The following G3BP1 variants were observed in gnomAD, a reference collection of about 807,000 sequenced individuals.
G3BP1 encodes the protein G3BP stress granule assembly factor 1, also known as ras GTPase-activating protein-binding protein 1.
In G3BP1, 35 loss-of-function variants were observed where a neutral mutation model predicts 58.6. The observed-to-expected ratio is 0.60, with a 90% CI of 0.46 to 0.79. G3BP1 has a LOEUF of 0.79. Among genes scored for constraint, G3BP1 ranks in the 30% least tolerant of loss-of-function variants. The pLI is 0.00. For missense variants in G3BP1, 523 were observed against 580.8 expected (o/e 0.90, Z 1.02); for synonymous variants, 191 against 195.4 (o/e 0.98, Z 0.19).
rs780107580 is a variant in G3BP1, at chr5:151,799,330, A to C, written c.843+17A>C. ...GCTTCACAGGTAAGGTCCTAATAAA[A>C]CTTGTACATTAGGCAAATTTACTTC... On this transcript the variant is annotated intron_variant, in intron 8 of 11. Coordinates refer to ENST00000356245, the MANE Select transcript of G3BP1 (RefSeq NM_005754.3). 3 of 1,242,258 alleles carry C rather than the reference A, an allele frequency of 2.4e-6. No individual in the cohort carries two copies. In the South Asian group the frequency reaches 3.6e-5, roughly 15 times the overall value. 77.0% of individuals were successfully genotyped at this position (1,242,258 alleles called of 1,614,324 possible). A position where few individuals can be genotyped will look rare whatever the true frequency, so the allele number is the denominator to read the frequency against.
chr5:151,803,406 C>A (rs1053122679), intron 11 of G3BP1, among the ~76,000 whole-genome samples: 4 of 152,136 alleles, frequency 2.6e-5, no homozygotes, highest in African/African-American at 9.7e-5. Flanking sequence ...AAGTTGCACT[C>A]CAGTCTGGGT....
At chr5:151,794,965 A>G (rs937551692) in intron 5 of G3BP1, among the ~76,000 whole-genome samples, 2 of 152,146 alleles carry the variant, frequency 1.3e-5, no homozygotes, top group African/African-American at 4.8e-5. Context: ...AAAAACCAAG[A>G]CACTACAGTA....
At chr5:151,788,574 G>GTGTGTGTA in intron 2 of G3BP1, among the ~76,000 whole-genome samples, 1 of 133,858 alleles carries the variant, frequency 7.5e-6, no homozygotes, top group Admixed American at 7.2e-5. Context: ...AAGTTTATAT[G>GTGTGTGTA]TGTGTGTGTG....
chr5:151,790,491 G>A, intron 3 of G3BP1, 87 bp downstream of exon 3: 1 of 627,724 alleles, frequency 1.6e-6, no homozygotes, highest in Non-Finnish European at 2.7e-6. Flanking sequence ...TAGATTTGCT[G>A]ATAAAGATCC....
At chr5:151,789,676 T>G (rs1165401446) in intron 2 of G3BP1, among the ~76,000 whole-genome samples, 1 of 152,210 alleles carries the variant, frequency 6.6e-6, no homozygotes, top group African/African-American at 2.4e-5. Context: ...AAGATAGCTG[T>G]TCCAGCCTTA....
rs138630153 is a variant in G3BP1 at position 151,774,174 on chromosome 5, C to T, written c.-50+2138C>T. 5.3e-5 allele frequency among the ~76,000 whole-genome samples: 8 copies of T among 152,240 alleles called. No homozygotes were observed. The East Asian group carries it at 1.3e-3, about 26-fold the overall frequency. ...CGTCAGTTTTGTTGGAGCTGCTTACCGGTACAAAAGTCTAAGCTTTTGTAC... is the reference window on the plus strand; with the variant it reads ...CGTCAGTTTTGTTGGAGCTGCTTACTGGTACAAAAGTCTAAGCTTTTGTAC... On this transcript the variant is annotated intron_variant, in intron 1 of 11. Transcript: ENST00000356245.
intron 1 of G3BP1, among the ~76,000 whole-genome samples, chr5:151,785,655 T>G (rs1762543865): frequency 6.6e-6 from 1 of 152,232 alleles, no homozygotes; most frequent in Non-Finnish European, 1.5e-5. Flanking sequence ...GTGCCTTTCT[T>G]GGCATTCAAA....
intron 3 of G3BP1, 141 bp downstream of exon 3, chr5:151,790,545 T>A (rs1285105033): frequency 2.6e-5 from 13 of 505,342 alleles, no homozygotes; most frequent in Non-Finnish European, 4.3e-5. Context: ...TTTATTACTA[T>A]TTGATTAATA....
intron 11 of G3BP1, among the ~76,000 whole-genome samples, chr5:151,802,036 C>T (rs752745112): frequency 5.3e-5 from 8 of 151,996 alleles, no homozygotes; most frequent in Non-Finnish European, 4.4e-5. Context: ...AGGCTGATCT[C>T]GAACTCCTGA....
intron 2 of G3BP1, among the ~76,000 whole-genome samples, chr5:151,788,572 A>ATGTGTGTG (rs10634385): frequency 0.061 from 8,121 of 133,064 alleles, 299 homozygotes; most frequent in African/African-American, 0.086. Flanking sequence ...CTAAGTTTAT[A>ATGTGTGTG]TGTGTGTGTG....
intron 3 of G3BP1, 42 bp from the exon 4 acceptor site, chr5:151,790,847 G>A: frequency 3.5e-6 from 4 of 1,142,366 alleles, no homozygotes; most frequent in East Asian, 2.6e-5. Context: ...AAATTTTAAG[G>A]CATTCTCAGT....
chr5:151,793,103 A>G (rs1762688672), intron 4 of G3BP1, among the ~76,000 whole-genome samples: 2 of 151,736 alleles, frequency 1.3e-5, no homozygotes, highest in Admixed American at 1.3e-4. Context: ...TGCTGAAGTT[A>G]GGAATATGAT....
rs191918789 is a variant in G3BP1 at position 151,788,068 on chromosome 5, T to G, written c.95+1353T>G. On this transcript the variant is annotated intron_variant, in intron 2 of 11. Transcript: ENST00000356245. ...GCCTCCTGAGTAGCTGGGACTGAGG[T>G]GCAATCCACCACGCCCAGCTAATTT... 1.1e-3 allele frequency among the ~76,000 whole-genome samples: 172 copies of G among 151,626 alleles called. No homozygotes were observed. The Middle Eastern group carries it at 0.037, about 33-fold the overall frequency.
rs1437234914 is a variant in G3BP1 at position 151,804,135 on chromosome 5, C to A, written c.*44C>A. On this transcript the variant is annotated 3_prime_UTR_variant, in exon 12 of 12. Coordinates refer to ENST00000356245, the MANE Select transcript of G3BP1 (RefSeq NM_005754.3). ...GCAGCCATACAAACCCTGGTTCCAA[C>A]AGAATGGTGAATTTTCGACAGCCTT... is the stretch of plus-strand genomic sequence containing the variant. 1 of 1,395,556 alleles carries A rather than the reference C, an allele frequency of 7.2e-7. No individual in the cohort carries two copies. The highest frequency in any genetic ancestry group is 9.9e-7 in the Non-Finnish European group (1 of 1,012,384). The allele number at this position is 1,395,556 out of a possible 1,614,324, so 86.4% of individuals were successfully genotyped here.
chr5:151,777,718 G>T (rs1165842149), intron 1 of G3BP1, among the ~76,000 whole-genome samples: 1 of 152,078 alleles, frequency 6.6e-6, no homozygotes, highest in Non-Finnish European at 1.5e-5. Flanking sequence ...GGCGACACAG[G>T]AGACTCTTAA....
chr5:151,780,851 G>A (rs921448382), intron 1 of G3BP1, among the ~76,000 whole-genome samples: 8 of 152,250 alleles, frequency 5.3e-5, no homozygotes, highest in South Asian at 2.1e-4. Flanking sequence ...ACATTTTTCT[G>A]TTAACTTCAG....
intron 1 of G3BP1, 79 bp from the exon 2 acceptor site, chr5:151,786,493 C>T (rs933965933): frequency 1.6e-5 from 11 of 683,052 alleles, no homozygotes; most frequent in African/African-American, 7.2e-5. Flanking sequence ...ATGTTTTAAA[C>T]GACTTGCTGA....
At chr5:151,781,083 AAAT>A (rs1479945266) in intron 1 of G3BP1, among the ~76,000 whole-genome samples, 1 of 152,180 alleles carries the variant, frequency 6.6e-6, no homozygotes, top group South Asian at 2.1e-4. Context: ...AATAGCCTAG[AAAT>A]AATAAAAAAA....
At chr5:151,789,743 C>T (rs1310972207) in intron 2 of G3BP1, among the ~76,000 whole-genome samples, 2 of 152,198 alleles carry the variant, frequency 1.3e-5, no homozygotes, top group South Asian at 2.1e-4. Flanking sequence ...GCCATCTTGA[C>T]ATGAAACTAC....
Sources: gnomAD v4.1 joint callset for allele counts (sites outside exome capture counted in the v4.1 genomes callset) on GRCh38, gnomAD v4.1.1 for gene constraint, MANE v1.5 for transcripts, NCBI Gene and HGNC (gene_info 2026-07-23, HGNC 2026-07-21) for gene names.